The following COP1 variants were observed in gnomAD, a reference collection of about 807,000 sequenced individuals.
COP1 encodes COP1 E3 ubiquitin ligase, also known as E3 ubiquitin-protein ligase COP1.
In COP1, 24 loss-of-function variants were observed where a neutral mutation model predicts 101.3. The ratio of observed to expected loss-of-function variants is 0.24; its 90% CI spans 0.17 to 0.33. COP1 has a LOEUF of 0.33. COP1 is among the 10% of genes least tolerant of loss of function. COP1 has a pLI of 1.00. For missense variants in COP1, 663 were observed against 906.2 expected (o/e 0.73, Z 3.45); for synonymous variants, 347 against 341.9 (o/e 1.01, Z -0.17).
intron 11 of COP1, among the ~76,000 whole-genome samples, chr1:176,070,264 C>T (rs569513829): frequency 6.6e-6 from 1 of 151,886 alleles, no homozygotes; most frequent in Non-Finnish European, 1.5e-5. Context: ...TTCTTAAATA[C>T]TTCTTCTGCC....
chr1:176,099,505 GTC>G (rs145354415), intron 9 of COP1, among the ~76,000 whole-genome samples: 9,260 of 143,716 alleles, frequency 0.064, 438 homozygotes, highest in African/African-American at 0.14. Flanking sequence ...GAGCATATTT[GTC>G]TCTCTCTCTC....
chr1:175,988,252 T>C, intron 17 of COP1, 36 bp downstream of exon 17: 1 of 1,572,560 alleles, frequency 6.4e-7, no homozygotes, highest in South Asian at 1.2e-5. Flanking sequence ...AACAAACACC[T>C]GTTAAAAAGT....
intron 1 of COP1, among the ~76,000 whole-genome samples, chr1:176,203,128 G>C (rs1021724083): frequency 6.6e-6 from 1 of 151,736 alleles, no homozygotes; most frequent in Non-Finnish European, 1.5e-5. Flanking sequence ...ATGAGGTCAG[G>C]AGATCGAGAC....
At chr1:175,960,891 A>G (rs1651255491) in intron 18 of COP1, among the ~76,000 whole-genome samples, 1 of 152,226 alleles carries the variant, frequency 6.6e-6, no homozygotes, top group South Asian at 2.1e-4. Flanking sequence ...GGGTGTTTCC[A>G]GAAGAGACTG....
intron 3 of COP1, among the ~76,000 whole-genome samples, chr1:176,169,449 T>C (rs1407562367): frequency 1.3e-5 from 2 of 152,188 alleles, no homozygotes; most frequent in Non-Finnish European, 2.9e-5. Flanking sequence ...AATTTCTATA[T>C]ACAAAGCGTA....
chr1:176,160,397 A>G, intron 5 of COP1: 1 of 233,374 alleles, frequency 4.3e-6, no homozygotes, highest in Non-Finnish European at 8.6e-6. Context: ...AAGCAATGGC[A>G]ACAAAAGCCA....
chr1:176,093,517 G>C (rs1425283276), intron 9 of COP1, among the ~76,000 whole-genome samples: 1 of 151,838 alleles, frequency 6.6e-6, no homozygotes, highest in African/African-American at 2.4e-5. Flanking sequence ...GACTATCCTG[G>C]CCAAAACAGT....
At position 176,176,023 on chromosome 1, in the gene COP1, G is replaced by A. The variant is rs756726971; in HGVS notation, c.468-16C>T. ...ACACTTGTAGCTATTAGTAGGGGGG[G>A]AAAAAAAAGGCTTAATTAAATCAAT... On this transcript the variant is annotated splice_polypyrimidine_tract_variant and intron_variant, in intron 2 of 19. Coordinates refer to ENST00000367669, the MANE Select transcript of COP1 (RefSeq NM_022457.7). 21 of 1,179,534 alleles carry A rather than the reference G, an allele frequency of 1.8e-5. No individual in the cohort carries two copies. The highest frequency in any genetic ancestry group is 6.1e-5 in the Admixed American group (3 of 49,194). 73.1% of individuals were successfully genotyped at this position (1,179,534 alleles called of 1,614,324 possible). A position where few individuals can be genotyped will look rare whatever the true frequency, so the allele number is the denominator to read the frequency against.
chr1:176,007,541 T>C (rs1030180490), intron 15 of COP1, among the ~76,000 whole-genome samples: 1 of 150,546 alleles, frequency 6.6e-6, no homozygotes, highest in East Asian at 2.0e-4. Context: ...GTCCTTTCTG[T>C]TTGGTAGTTT....
At position 175,980,683 on chromosome 1, in the gene COP1, C is replaced by CT. The variant is rs565487637; in HGVS notation, c.2133+6259dup. On this transcript the variant is annotated intron_variant, in intron 18 of 19. Transcript: ENST00000367669. ...AAAATGTCCACCCTAATGACCACTG[C>CT]TTTTTTTTTTGCCTGAGGATAGAGT... 6.1e-4 allele frequency among the ~76,000 whole-genome samples: 90 copies of CT among 147,578 alleles called. No homozygotes were observed. The South Asian group carries it at 7.6e-3, about 12-fold the overall frequency.
rs190982704 is a variant in COP1, at chr1:176,080,798, T to C, written c.1277+354A>G. ...TAAAATTCTTTTCTGGAAGCTTCAC[T>C]GGCAAATTCTACAAAATATTTAAGG... On this transcript the variant is annotated intron_variant, in intron 11 of 19. Transcript: ENST00000367669. Among the ~76,000 whole-genome samples, 940 of 152,264 alleles carry C rather than the reference T, an allele frequency of 6.2e-3. 13 individuals are homozygous for C. The highest frequency in any genetic ancestry group is 0.021 in the African/African-American group (885 of 41,544).
intron 5 of COP1, among the ~76,000 whole-genome samples, chr1:176,151,357 G>GAAAGAAGGAAAGAAAGAA: frequency 3.4e-5 from 1 of 29,534 alleles, no homozygotes; most frequent in African/African-American, 9.4e-5. Flanking sequence ...GAAAGAAAAA[G>GAAAGAAGGAAAGAAAGAA]AAAGAAAGAA....
chr1:176,052,781 T>C (rs1269883518), intron 11 of COP1, among the ~76,000 whole-genome samples: 1 of 152,196 alleles, frequency 6.6e-6, no homozygotes, highest in East Asian at 1.9e-4. Context: ...ATACACGTAT[T>C]TGGTTTTTTT....
intron 9 of COP1, among the ~76,000 whole-genome samples, chr1:176,094,016 T>C (rs1445977630): frequency 9.9e-6 from 1 of 100,538 alleles, no homozygotes; most frequent in Non-Finnish European, 2.2e-5. Flanking sequence ...AGTGAGACTC[T>C]GTCTCAAAAA....
At chr1:176,046,436 C>G (rs1671533005) in intron 11 of COP1, 112 bp from the exon 12 acceptor site, 1 of 927,634 alleles carries the variant, frequency 1.1e-6, no homozygotes, top group Non-Finnish European at 1.6e-6. Flanking sequence ...TCAAATTGTA[C>G]TAGACCTCAT....
Position 176,162,982 on chromosome 1 carries a change from G to T in COP1, c.649C>A (p.His217Asn). The change falls in exon 5 of 20, where the codon CAC (histidine) becomes AAC (asparagine). Residue 217 changes from histidine to asparagine, a missense_variant. Around this residue, in one of 4 missense-constraint regions of COP1, gnomAD observed 212 missense variants for 240.7 expected, o/e 0.88. Transcript: ENST00000367669. The stretch of plus-strand genomic sequence containing the variant: ...CAATCTTGAAATATCTGCCACCTGT[G>T]GCCATTCTAAAAATGAAGAAAGAAG... ...LDHSVSSTNG[H>N]RWQIFQDWLG... The T allele has an allele frequency of 6.3e-7, 1 of 1,594,002 alleles. No homozygotes were observed. The highest frequency in any genetic ancestry group is 8.5e-7 in the Non-Finnish European group (1 of 1,172,412).
chr1:175,982,560 T>C (rs1317879989), intron 18 of COP1, among the ~76,000 whole-genome samples: 1 of 152,174 alleles, frequency 6.6e-6, no homozygotes, highest in Non-Finnish European at 1.5e-5. Context: ...CTTATGTGGG[T>C]TAATTGTTTA....
intron 9 of COP1, among the ~76,000 whole-genome samples, chr1:176,109,498 T>TTTAA (rs1390746789): frequency 6.6e-6 from 1 of 152,180 alleles, no homozygotes; most frequent in Non-Finnish European, 1.5e-5. Context: ...TAGAGTACAT[T>TTTAA]TTAATAGTTG....
rs1685270864 is a variant in COP1, at chr1:176,111,432, TACAGGTGC to T, written c.1026+5184_1026+5191del. 1.1e-4 allele frequency among the ~76,000 whole-genome samples: 16 copies of T among 152,154 alleles called. No individual in the cohort carries two copies. The South Asian group carries it at 3.3e-3, about 32-fold the overall frequency. On this transcript the variant is annotated intron_variant, in intron 9 of 19. Transcript: ENST00000367669. ...CCTCAGCCTCCTGAGCAGCTGGGAC[TACAGGTGC>T]GCACCACCATGCTCAGCTAATTTTT...
Sources: allele counts gnomAD v4.1 joint callset (sites outside exome capture counted in the v4.1 genomes callset), GRCh38; gene constraint gnomAD v4.1.1; regional missense constraint gnomAD v4.1.1; transcripts MANE v1.5; gene names NCBI Gene and HGNC (gene_info 2026-07-23, HGNC 2026-07-21).